The following ANKRD13A variants were observed in gnomAD, a reference collection of about 807,000 sequenced individuals.
ANKRD13A encodes the protein ankyrin repeat domain-containing protein 13A.
Under a neutral mutation model 81.3 loss-of-function variants are expected in ANKRD13A, and 48 were observed. The ratio of observed to expected loss-of-function variants is 0.59; its 90% CI spans 0.47 to 0.75. The LOEUF is 0.75. Among genes scored for constraint, ANKRD13A ranks in the 30% least tolerant of loss-of-function variants. The pLI, the probability that ANKRD13A is intolerant of heterozygous loss-of-function variation, is 0.00. For missense variants in ANKRD13A, 612 were observed against 734.0 expected (o/e 0.83, Z 1.92); for synonymous variants, 230 against 270.1 (o/e 0.85, Z 1.45).
intron 1 of ANKRD13A, among the ~76,000 whole-genome samples, chr12:110,000,184 A>T (rs184804354): frequency 2.0e-5 from 3 of 152,212 alleles, no homozygotes; most frequent in Non-Finnish European, 4.4e-5. Flanking sequence ...AGACGTAAGA[A>T]TAGCACACTC....
rs575940058 is a variant in ANKRD13A at position 110,011,419 on chromosome 12, G to A, written c.97-586G>A. ...TGTGAGTAGATCCGCATACGTGCCC[G>A]GCAGATCATGCTTGCGGTCTGAAGG... On this transcript the variant is annotated intron_variant, in intron 1 of 14. Coordinates refer to ENST00000261739, the MANE Select transcript of ANKRD13A (RefSeq NM_033121.2). Among the ~76,000 whole-genome samples the A allele has an allele frequency of 2.6e-5, 4 of 152,274 alleles. No individual in the cohort carries two copies. The South Asian group carries it at 6.2e-4, about 24-fold the overall frequency.
intron 6 of ANKRD13A, chr12:110,021,141 A>G: frequency 2.2e-6 from 1 of 457,150 alleles, no homozygotes; most frequent in South Asian, 1.5e-5. Flanking sequence ...CTCTTTTGCA[A>G]CTGACAGTGT....
chr12:110,021,425 C>CT (rs59262099), intron 6 of ANKRD13A: 6,531 of 130,158 alleles, frequency 0.05, 224 homozygotes, highest in Non-Finnish European at 0.075. Context: ...TTTTTTCTTT[C>CT]TTTTTTTTTT....
At chr12:110,012,959 C>T (rs1390209046) in intron 2 of ANKRD13A, among the ~76,000 whole-genome samples, 166 bp from the exon 3 acceptor site, 2 of 152,130 alleles carry the variant, frequency 1.3e-5, no homozygotes, top group Non-Finnish European at 2.9e-5. Context: ...ATGTTTTTTA[C>T]TCAGTGAAGA....
At position 110,011,887 on chromosome 12, in the gene ANKRD13A, G is replaced by A; in HGVS notation, c.97-118G>A. On this transcript the variant is annotated intron_variant, in intron 1 of 14. Coordinates refer to ENST00000261739, the MANE Select transcript of ANKRD13A (RefSeq NM_033121.2). ...GCAAACATACCTTCTTACATGTGTT[G>A]CTCTAATTAATGCATAAATATGTTT... The A allele has an allele frequency of 4.1e-6, 4 of 970,922 alleles. No homozygotes were observed. The South Asian group carries it at 8.2e-5, about 20-fold the overall frequency. 60.1% of individuals were successfully genotyped at this position (970,922 alleles called of 1,614,324 possible).
intron 12 of ANKRD13A, 24 bp downstream of exon 12, chr12:110,030,782 G>C (rs1479140130): frequency 6.8e-7 from 1 of 1,471,108 alleles, no homozygotes; most frequent in Admixed American, 2.1e-5. Context: ...TAAATACAAA[G>C]TTTAGTTTTG....
At chr12:110,030,820 C>T (rs528172844) in intron 12 of ANKRD13A, 62 bp downstream of exon 12, 15 of 1,132,560 alleles carry the variant, frequency 1.3e-5, no homozygotes, top group Middle Eastern at 2.2e-4. Flanking sequence ...TATGGCCGGA[C>T]GTGGTGGCTT....
chr12:110,005,798 G>C (rs1366161224), intron 1 of ANKRD13A, among the ~76,000 whole-genome samples: 1 of 152,108 alleles, frequency 6.6e-6, no homozygotes, highest in Non-Finnish European at 1.5e-5. Flanking sequence ...ACGCTGCTGT[G>C]TGTATTTGTG....
chr12:110,004,269 G>A (rs1016607255), intron 1 of ANKRD13A, among the ~76,000 whole-genome samples: 3 of 152,076 alleles, frequency 2.0e-5, no homozygotes, highest in African/African-American at 7.2e-5. Context: ...TTTTATTTGG[G>A]TATAGCTCAT....
chr12:110,002,613 C>T (rs1344783975), intron 1 of ANKRD13A, among the ~76,000 whole-genome samples: 1 of 152,044 alleles, frequency 6.6e-6, no homozygotes, highest in African/African-American at 2.4e-5. Context: ...GAGGCTCCGA[C>T]TCAAAAAACA....
At position 110,033,787 on chromosome 12, in the gene ANKRD13A, T is replaced by G. The variant is rs1891854353; in HGVS notation, c.1349-10T>G. Reference sequence around the variant, plus strand: ...GAACTCAGACACTGGACGGTTGCCTTTTGTTTCAGCTTCCCACATCACAAA... The same window carrying G: ...GAACTCAGACACTGGACGGTTGCCTGTTGTTTCAGCTTCCCACATCACAAA... On this transcript the variant is annotated splice_polypyrimidine_tract_variant and intron_variant, in intron 12 of 14. Coordinates refer to ENST00000261739, the MANE Select transcript of ANKRD13A (RefSeq NM_033121.2). The G allele has an allele frequency of 6.3e-7, 1 of 1,589,212 alleles. No individual in the cohort carries two copies. The highest frequency in any genetic ancestry group is 1.3e-5 in the African/African-American group (1 of 74,098).
intron 12 of ANKRD13A, chr12:110,032,260 T>C (rs1891737665): frequency 6.6e-6 from 1 of 152,214 alleles, no homozygotes; most frequent in African/African-American, 2.4e-5. Flanking sequence ...CTGAGAGTTA[T>C]TACCATTTTT....
In ANKRD13A at chr12:109,999,724, C is replaced by A. The variant is rs953761283; in HGVS notation, c.36C>A (p.Pro12=). The change falls in exon 1 of 15, where the codon CCC becomes CCA. Residue 12 remains proline, a synonymous_variant. Transcript: ENST00000261739. This position sits in a 1 kb window ranked among gnomAD's most constrained non-coding sequence, Gnocchi z 4.3. ...CCTGCGACGCGGGCGACCACTACCC[C>A]CTGCACCTCCTAGTCTGGAAAAACG... ...SSACDAGDHY[P]LHLLVWKNDY... 25 of 1,537,666 alleles carry A rather than the reference C, an allele frequency of 1.6e-5. No homozygotes were observed. The East Asian group carries it at 5.6e-4, about 35-fold the overall frequency.
intron 13 of ANKRD13A, among the ~76,000 whole-genome samples, chr12:110,034,458 T>TGA (rs765560107): frequency 2.2e-4 from 34 of 152,208 alleles, no homozygotes; most frequent in Non-Finnish European, 4.4e-4. Context: ...TGTGTGTGTG[T>TGA]GACTCTATGT....
chr12:110,032,536 C>T (rs1199429897), intron 12 of ANKRD13A: 1 of 152,126 alleles, frequency 6.6e-6, no homozygotes, highest in Non-Finnish European at 1.5e-5. Context: ...GGTATAGTTC[C>T]TTGAATAAAA....
Position 110,036,744 on chromosome 12 carries a change from C to T in ANKRD13A, c.1577+416C>T, listed in dbSNP as rs931979554. On this transcript the variant is annotated intron_variant, in intron 14 of 14. Coordinates refer to ENST00000261739, the MANE Select transcript of ANKRD13A (RefSeq NM_033121.2). This position sits in a 1 kb window ranked among gnomAD's most constrained non-coding sequence, Gnocchi z 4.6. ...CAGCCTGGGCGATAGAGCGAGACTC[C>T]GTCTCAAAAAAAAAAAAGACTAAAG... Among the ~76,000 whole-genome samples, 1 of 150,762 alleles carries T rather than the reference C, an allele frequency of 6.6e-6. No homozygotes were observed. Among genetic ancestry groups the T allele is most frequent in the African/African-American group, 2.5e-5 (1 of 40,616 alleles).
At chr12:110,011,273 G>A (rs955168877) in intron 1 of ANKRD13A, among the ~76,000 whole-genome samples, 7 of 152,212 alleles carry the variant, frequency 4.6e-5, no homozygotes, top group African/African-American at 1.7e-4. Context: ...GGTGCCAAAA[G>A]GGGGGCGAGA....
At chr12:110,037,155 T>G (rs1451788856) in intron 14 of ANKRD13A, among the ~76,000 whole-genome samples, 1 of 152,218 alleles carries the variant, frequency 6.6e-6, no homozygotes, top group Non-Finnish European at 1.5e-5. Context: ...TATCACTTAC[T>G]GGTTGGGTGG....
In ANKRD13A at chr12:110,033,830, C is replaced by T. The variant is rs138034856; in HGVS notation, c.1382C>T (p.Ser461Phe). Reference protein sequence around the residue: ...SHITNFEVDQSVFEIPESYYV... With the variant: ...SHITNFEVDQFVFEIPESYYV... Reference sequence around the variant, plus strand: ...ATCACAAACTTTGAGGTTGATCAATCTGTGTTTGAAATTCCCGAATCTTAC... The same window carrying T: ...ATCACAAACTTTGAGGTTGATCAATTTGTGTTTGAAATTCCCGAATCTTAC... Residue 461 changes from serine (S) to phenylalanine (F), a missense_variant, in exon 13 of 15, where the codon TCT becomes TTT. Coordinates refer to ENST00000261739, the MANE Select transcript of ANKRD13A (RefSeq NM_033121.2). 3 of 1,608,384 alleles carry T rather than the reference C, an allele frequency of 1.9e-6. No homozygotes were observed. The highest frequency in any genetic ancestry group is 1.1e-5 in the South Asian group (1 of 90,126).
Sources: gnomAD v4.1 joint callset for allele counts (sites outside exome capture counted in the v4.1 genomes callset) on GRCh38, gnomAD v4.1.1 for gene constraint, Gnocchi (gnomAD v3.1) non-coding constraint, MANE v1.5 for transcripts, NCBI Gene and HGNC (gene_info 2026-07-23, HGNC 2026-07-21) for gene names.